Variants in SQOR observed in about 807,000 individuals in gnomAD.
SQOR encodes sulfide quinone oxidoreductase.
Under a neutral mutation model 48.6 loss-of-function variants are expected in SQOR, and 39 were observed. That is an observed-to-expected ratio of 0.80 (90% CI 0.62 to 1.05). The LOEUF is 1.05. Among genes scored for constraint, SQOR ranks in the 50% least tolerant of loss-of-function variants. SQOR has a pLI of 0.00. For missense variants in SQOR, 561 were observed against 559.9 expected (o/e 1.00, Z -0.02); for synonymous variants, 220 against 206.2 (o/e 1.07, Z -0.57).
chr15:45,658,089 A>G lies in SQOR; in HGVS notation c.-17-818A>G, dbSNP rs573595975. Among the ~76,000 whole-genome samples the G allele has an allele frequency of 1.3e-4, 20 of 152,340 alleles. No homozygotes were observed. In the South Asian group the frequency reaches 4.1e-3, roughly 32 times the overall value. On this transcript the variant is annotated intron_variant, in intron 1 of 9. Transcript: ENST00000260324. ...AGTAGAAACAGGTTTTCTTAAAGGT[A>G]AAGTGAGTCTCTCGGAGGAACTATT...
intron 2 of SQOR, 99 bp downstream of exon 2, chr15:45,659,256 A>G: frequency 9.8e-7 from 1 of 1,025,536 alleles, no homozygotes; most frequent in Non-Finnish European, 1.4e-6. Context: ...ACTATCAAGC[A>G]ATGGGTCTTC....
intron 2 of SQOR, among the ~76,000 whole-genome samples, chr15:45,659,618 G>C (rs1225854798): frequency 6.6e-6 from 1 of 152,058 alleles, no homozygotes; most frequent in African/African-American, 2.4e-5. Context: ...GCTTGTAGCT[G>C]TGCCACTCCT....
chr15:45,689,176 A>G lies in SQOR; in HGVS notation c.1254A>G (p.Lys418=), dbSNP rs149216632. ...AGCGCCTTTCCATGTATCTCATGAA[A>G]GCTGACCTGATGCCTTTCCTGTATT... ...SKERLSMYLM[K]ADLMPFLYWN... The change falls in exon 9 of 10, where the codon AAA becomes AAG. Residue 418 remains lysine, a synonymous_variant. Coordinates refer to ENST00000260324, the MANE Select transcript of SQOR (RefSeq NM_021199.4). The G allele has an allele frequency of 7.4e-6, 12 of 1,613,980 alleles. No homozygotes were observed. The African/African-American group carries it at 1.3e-4, about 18-fold the overall frequency.
intron 7 of SQOR, among the ~76,000 whole-genome samples, chr15:45,687,771 A>G (rs944064923): frequency 6.6e-6 from 1 of 152,166 alleles, no homozygotes; most frequent in Non-Finnish European, 1.5e-5. Flanking sequence ...CTATCTAGGA[A>G]AGAGACAGAG....
chr15:45,675,616 T>C (rs925762489), intron 5 of SQOR, among the ~76,000 whole-genome samples: 1 of 151,998 alleles, frequency 6.6e-6, no homozygotes, highest in Non-Finnish European at 1.5e-5. Context: ...GCCAGGCTGG[T>C]CTGGAACTCC....
At chr15:45,651,859 TCTCCTTCTC>T (rs950468872) in intron 1 of SQOR, among the ~76,000 whole-genome samples, 1 of 152,086 alleles carries the variant, frequency 6.6e-6, no homozygotes, top group Admixed American at 6.5e-5. Flanking sequence ...TTCTTCTTCT[TCTCCTTCTC>T]CTCCTTCTCC....
intron 6 of SQOR, among the ~76,000 whole-genome samples, chr15:45,678,598 CCAGGCTCAT>C: frequency 6.6e-6 from 1 of 151,738 alleles, no homozygotes; most frequent in Admixed American, 6.6e-5. Flanking sequence ...ACAGGTTGTC[CCAGGCTCAT>C]CTAGTATCTA....
At chr15:45,676,446 G>A (rs2140957830) in intron 6 of SQOR, 136 bp downstream of exon 6, 2 of 927,760 alleles carry the variant, frequency 2.2e-6, no homozygotes, top group East Asian at 5.2e-5. Context: ...TCTTAGGGAA[G>A]TGTTAGGGCA....
chr15:45,657,663 C>T (rs1173872224), intron 1 of SQOR, among the ~76,000 whole-genome samples: 2 of 152,168 alleles, frequency 1.3e-5, no homozygotes, highest in Non-Finnish European at 2.9e-5. Context: ...TTCCCCCTCT[C>T]CAAGGCCTTT....
chr15:45,682,411 G>C, intron 6 of SQOR, 67 bp from the exon 7 acceptor site: 5 of 1,550,986 alleles, frequency 3.2e-6, no homozygotes, highest in East Asian at 2.3e-5. Context: ...AGGAAGGTAG[G>C]GGGAGAGCTT....
At chr15:45,650,532 AAAG>A (rs776392078) in intron 1 of SQOR, among the ~76,000 whole-genome samples, 18 of 152,152 alleles carry the variant, frequency 1.2e-4, no homozygotes, top group Non-Finnish European at 2.4e-4. Flanking sequence ...GCAAAGAGCA[AAAG>A]AAGAAAGCAT....
intron 6 of SQOR, 119 bp downstream of exon 6, chr15:45,676,429 A>G: frequency 9.5e-7 from 1 of 1,053,582 alleles, no homozygotes; most frequent in Admixed American, 2.5e-5. Context: ...ACTGGGTGAA[A>G]TGAGCATCTT....
intron 6 of SQOR, among the ~76,000 whole-genome samples, chr15:45,677,938 C>T (rs1303722142): frequency 6.6e-6 from 1 of 152,166 alleles, no homozygotes; most frequent in African/African-American, 2.4e-5. Context: ...GAACTGCTGA[C>T]CTCAAGCCAT....
At chr15:45,669,101 T>C (rs930312190) in intron 3 of SQOR, among the ~76,000 whole-genome samples, 2 of 150,790 alleles carry the variant, frequency 1.3e-5, no homozygotes, top group African/African-American at 4.8e-5. Context: ...TATTACCCAA[T>C]AGATTTTAGT....
chr15:45,644,084 AT>A (rs971469584), intron 1 of SQOR, among the ~76,000 whole-genome samples: 14 of 150,390 alleles, frequency 9.3e-5, no homozygotes, highest in South Asian at 4.2e-4. Context: ...GAGACGGCGT[AT>A]TTTTTTTTTC....
At chr15:45,647,665 C>A (rs912213630) in intron 1 of SQOR, among the ~76,000 whole-genome samples, 2 of 151,836 alleles carry the variant, frequency 1.3e-5, no homozygotes, top group African/African-American at 4.8e-5. Flanking sequence ...CGGTAAATCG[C>A]AGCACTTTGG....
chr15:45,645,488 G>A (rs966963471), intron 1 of SQOR, among the ~76,000 whole-genome samples: 9 of 152,180 alleles, frequency 5.9e-5, no homozygotes, highest in Non-Finnish European at 1.0e-4. Context: ...AAAACAGATT[G>A]TCTTCCCCAA....
At chr15:45,685,051 C>T (rs1299963852) in intron 7 of SQOR, among the ~76,000 whole-genome samples, 1 of 152,156 alleles carries the variant, frequency 6.6e-6, no homozygotes, top group Admixed American at 6.5e-5. Context: ...ATAATGAGTG[C>T]TCTTTACCTG....
intron 1 of SQOR, among the ~76,000 whole-genome samples, chr15:45,646,885 T>A (rs74244958): frequency 0.084 from 12,853 of 152,226 alleles, 874 homozygotes; most frequent in Admixed American, 0.19. Flanking sequence ...CGGTGTATAT[T>A]TCTGAAAGAT....
Sources: gnomAD v4.1 joint callset for allele counts (sites outside exome capture counted in the v4.1 genomes callset) on GRCh38, gnomAD v4.1.1 for gene constraint, MANE v1.5 for transcripts, NCBI Gene and HGNC (gene_info 2026-07-23, HGNC 2026-07-21) for gene names.